USP34: variants seen among roughly 807,000 people sequenced by gnomAD.
USP34 encodes ubiquitin specific peptidase 34.
A neutral mutation model predicts 460.3 loss-of-function variants in USP34; 70 were observed. The observed-to-expected ratio is 0.15, with a 90% CI of 0.13 to 0.19. The LOEUF is 0.19. Among genes scored for constraint, USP34 ranks in the 10% least tolerant of loss-of-function variants. The pLI is 1.00. For synonymous variants in USP34, 1,647 were observed against 1,405.3 expected, an observed-to-expected ratio of 1.17 and a Z score of -3.85; for missense variants, 3,985 against 4,236.2, an observed-to-expected ratio of 0.94 and a Z score of 1.65.
chr2:61,310,966 TG>T (rs1690573712), intron 27 of USP34, among the ~76,000 whole-genome samples: 1 of 152,156 alleles, frequency 6.6e-6, no homozygotes, highest in Non-Finnish European at 1.5e-5. Context: ...AAGAATTTTT[TG>T]CAAATAGCAT....
rs753781060 is a variant in USP34, at chr2:61,395,221, G to C, written c.565C>G (p.Gln189Glu). ...AATGCCCCTAATATGTTACTTTCTT[G>C]AGTTGATATATCCTAATTAAAAAAA... ...THPTIEDIST[Q>E]ESNILGAFCD... Residue 189 changes from glutamine to glutamate, a missense_variant, in exon 4 of 80, where the codon CAA becomes GAA. Around this residue, in one of 14 missense-constraint regions of USP34, gnomAD observed 331 missense variants for 293.7 expected, o/e 1.13. Coordinates refer to ENST00000398571, the MANE Select transcript of USP34 (RefSeq NM_014709.4). 6 of 1,470,478 alleles carry C rather than the reference G, an allele frequency of 4.1e-6. No individual in the cohort carries two copies. In the Admixed American group the frequency reaches 1.0e-4, roughly 25 times the overall value. The allele number at this position is 1,470,478 out of a possible 1,614,324, so 91.1% of individuals were successfully genotyped here.
chr2:61,274,823 A>T (rs938338084), intron 41 of USP34, among the ~76,000 whole-genome samples: 3 of 152,188 alleles, frequency 2.0e-5, no homozygotes, highest in African/African-American at 7.2e-5. Context: ...AAAACTATAA[A>T]CGTATACTCC....
intron 19 of USP34, among the ~76,000 whole-genome samples, chr2:61,333,059 CA>C (rs1325622991): frequency 6.6e-6 from 1 of 151,968 alleles, no homozygotes; most frequent in Non-Finnish European, 1.5e-5. Flanking sequence ...CCCTAAAATT[CA>C]AATGTCTCCG....
intron 65 of USP34, among the ~76,000 whole-genome samples, chr2:61,222,144 T>C (rs17540781): frequency 0.012 from 1,863 of 152,364 alleles, 24 homozygotes; most frequent in East Asian, 0.033. Context: ...CTGTGTTCTA[T>C]TGAAAAATTT....
chr2:61,316,269 A>C (rs2103686025), intron 23 of USP34, among the ~76,000 whole-genome samples: 1 of 152,154 alleles, frequency 6.6e-6, no homozygotes, highest in African/African-American at 2.4e-5. Flanking sequence ...GGAAAATAAA[A>C]TAAAAGCATT....
chr2:61,331,306 G>T lies in USP34; in HGVS notation c.2900C>A (p.Thr967Asn). The stretch of plus-strand genomic sequence containing the variant: ...ATGTTTTTGTCTTCCTTCTCTCACA[G>T]TTTGAATGTAGTATACCAAATTATC... ...FFDNLVYYIQ[T>N]VREGRQKHAL... The change falls in exon 20 of 80, where the codon ACT becomes AAT. Residue 967 changes from threonine to asparagine, a missense_variant. Transcript: ENST00000398571. 1 of 1,612,532 alleles carries T rather than the reference G, an allele frequency of 6.2e-7. No homozygotes were observed. The highest frequency in any genetic ancestry group is 8.5e-7 in the Non-Finnish European group (1 of 1,179,220).
At chr2:61,383,438 C>A in intron 5 of USP34, 102 bp from the exon 6 acceptor site, 1 of 801,890 alleles carries the variant, frequency 1.2e-6, no homozygotes, top group Non-Finnish European at 1.9e-6. Context: ...GGCACGGTCG[C>A]TCACGCCTGT....
At position 61,285,052 on chromosome 2, in the gene USP34, T is replaced by C. The variant is rs1397275804; in HGVS notation, c.4750-95A>G. 6 of 911,826 alleles carry C rather than the reference T, an allele frequency of 6.6e-6. No individual in the cohort carries two copies. In the East Asian group the frequency reaches 1.1e-4, roughly 16 times the overall value. The allele number at this position is 911,826 out of a possible 1,614,324, so 56.5% of individuals were successfully genotyped here. A position where few individuals can be genotyped will look rare whatever the true frequency, so the allele number is the denominator to read the frequency against. ...ATTTAGTTACTAAAGAGATGTGTAT[T>C]ACAAAATTTTAACCCAAAATTCCAA... On this transcript the variant is annotated intron_variant, in intron 34 of 79. Transcript: ENST00000398571.
Position 61,265,548 on chromosome 2 carries a change from G to C in USP34, c.5627C>G (p.Pro1876Arg). 1.2e-6 allele frequency: 2 copies of C among 1,606,934 alleles called. No homozygotes were observed. Among genetic ancestry groups the C allele is most frequent in the Non-Finnish European group, 1.7e-6 (2 of 1,174,902 alleles). ...VMAQHMQSHA[P>R]YKWDYWPHED... is the part of the protein sequence containing the mutation. Reference sequence around the variant, plus strand: ...ATGAGGCCAGTAATCCCATTTATAAGGTGCATGGGCTGCTGAAGAAAGAGG... The same window carrying C: ...ATGAGGCCAGTAATCCCATTTATAACGTGCATGGGCTGCTGAAGAAAGAGG... Residue 1876 changes from proline (P) to arginine (R), a missense_variant, in exon 43 of 80, where the codon CCT becomes CGT. This residue lies in a region of USP34 where 1,114 missense variants were observed against 1,122.5 expected (regional missense o/e 0.99). Transcript: ENST00000398571.
chr2:61,278,352 C>A (rs756365814), intron 40 of USP34, 36 bp downstream of exon 40: 1 of 1,607,218 alleles, frequency 6.2e-7, no homozygotes, highest in South Asian at 1.1e-5. Flanking sequence ...TATCTTTCCT[C>A]GACAATATAA....
chr2:61,225,348 TAC>T (rs1330139828), intron 62 of USP34, among the ~76,000 whole-genome samples: 1 of 152,130 alleles, frequency 6.6e-6, no homozygotes, highest in Non-Finnish European at 1.5e-5. Context: ...TAATTACTAT[TAC>T]AGTTTAGGAA....
intron 51 of USP34, among the ~76,000 whole-genome samples, chr2:61,243,883 A>C (rs72811469): frequency 0.14 from 21,787 of 150,262 alleles, 2,135 homozygotes; most frequent in South Asian, 0.36. Context: ...AAAAAAAAGG[A>C]GACATTCTAG....
intron 5 of USP34, among the ~76,000 whole-genome samples, chr2:61,388,764 A>AATATAT (rs56090495): frequency 8.7e-4 from 129 of 149,120 alleles, no homozygotes; most frequent in South Asian, 3.4e-3. Context: ...TCAGAAAAAG[A>AATATAT]ATATATATAT....
intron 21 of USP34, among the ~76,000 whole-genome samples, chr2:61,319,538 T>TAA (rs11361640): frequency 2.2e-4 from 33 of 146,670 alleles, no homozygotes; most frequent in African/African-American, 8.2e-4. Context: ...TATTTATGAT[T>TAA]AAAAAAAAAA....
intron 8 of USP34, among the ~76,000 whole-genome samples, chr2:61,371,786 G>A (rs1040555219): frequency 4.6e-5 from 7 of 152,054 alleles, no homozygotes; most frequent in African/African-American, 1.7e-4. Flanking sequence ...CTTGGTAAGC[G>A]TCCTATACAG....
intron 34 of USP34, among the ~76,000 whole-genome samples, chr2:61,285,476 G>C (rs956716279): frequency 5.4e-4 from 45 of 83,228 alleles, no homozygotes; most frequent in African/African-American, 2.0e-3. Context: ...AACAAAATGA[G>C]AATCTGTCTC....
intron 1 of USP34, among the ~76,000 whole-genome samples, chr2:61,436,112 C>G (rs1388660414): frequency 6.6e-6 from 1 of 152,078 alleles, no homozygotes; most frequent in African/African-American, 2.4e-5. Flanking sequence ...ATACTAACTT[C>G]ATCTTTAAAG....
intron 5 of USP34, among the ~76,000 whole-genome samples, chr2:61,386,971 G>A (rs1431088124): frequency 1.3e-5 from 2 of 152,054 alleles, no homozygotes; most frequent in African/African-American, 4.8e-5. Flanking sequence ...GGAAGATATT[G>A]GCAATACATA....
intron 25 of USP34, among the ~76,000 whole-genome samples, chr2:61,314,368 G>A (rs978752469): frequency 3.3e-5 from 5 of 152,104 alleles, no homozygotes; most frequent in African/African-American, 1.2e-4. Flanking sequence ...TATTATTAAA[G>A]GTGTGCAATA....
Sources: allele counts gnomAD v4.1 joint callset (sites outside exome capture counted in the v4.1 genomes callset), GRCh38; gene constraint gnomAD v4.1.1; regional missense constraint gnomAD v4.1.1; transcripts MANE v1.5; gene names NCBI Gene and HGNC (gene_info 2026-07-23, HGNC 2026-07-21).